Variants in ZNF717 observed in about 807,000 individuals in gnomAD.
ZNF717 encodes the protein krueppel-like factor X17.
A neutral mutation model predicts 13.8 loss-of-function variants in ZNF717; 9 were observed. That is an observed-to-expected ratio of 0.65 (90% CI 0.39 to 1.14). The LOEUF is 1.14. Among genes scored for constraint, ZNF717 ranks in the 50% most tolerant of loss-of-function variants. The pLI is 0.01. For synonymous variants in ZNF717, 327 were observed against 364.1 expected (o/e 0.90, Z 1.16); for missense variants, 1,040 against 1,080.7 (o/e 0.96, Z 0.53).
Position 75,738,090 on chromosome 3 carries a change from T to G in ZNF717, c.1533A>C (p.Glu511Asp), listed in dbSNP as rs1456971279. 1.2e-5 allele frequency: 16 copies of G among 1,350,012 alleles called. No individual in the cohort carries two copies. The highest frequency in any genetic ancestry group is 3.2e-5 in the East Asian group (1 of 31,530). 83.6% of individuals were successfully genotyped at this position (1,350,012 alleles called of 1,614,324 possible). A position where few individuals can be genotyped will look rare whatever the true frequency, so the allele number is the denominator to read the frequency against. The change falls in exon 5 of 5, where the codon GAA (glutamate) becomes GAC (aspartate). Residue 511 changes from glutamate to aspartate, a missense_variant. By Grantham distance (45) the Glu-to-Asp change is conservative (BLOSUM62 2). This residue lies in a region of ZNF717 where 873 missense variants were observed against 832.8 expected (regional missense o/e 1.05). Transcript: ENST00000652011. ...ACTTACAGCGAAAGGTTTTCCCACA[T>G]TCATTGCATTCGTAGGGTTTTTCCC... ...HTGEKPYECN[E>D]CGKTFRCKSF...
chr3:75,726,321 G>A (rs1475853734), downstream of ZNF717, among the ~76,000 whole-genome samples: 3 of 152,250 alleles, frequency 2.0e-5, no homozygotes, highest in Non-Finnish European at 2.9e-5. Context: ...TGCTTCACCT[G>A]TAGTTCAAAT....
chr3:75,707,602 G>A (rs1449775572), downstream of ZNF717, among the ~76,000 whole-genome samples: 2 of 152,256 alleles, frequency 1.3e-5, no homozygotes, highest in Non-Finnish European at 2.9e-5. Context: ...GACAGTGGGT[G>A]CAGGACAGTG....
In ZNF717 at chr3:75,737,311, G is replaced by A. The variant is rs1281135640; in HGVS notation, c.2312C>T (p.Ser771Leu). 5.2e-6 allele frequency: 8 copies of A among 1,552,526 alleles called. No individual in the cohort carries two copies. The East Asian group carries it at 1.5e-4, about 28-fold the overall frequency. ...AGTCCCCTGATGCGTACTGAGGTTTGACTTGTGACAAAAGGTTTTCCCACA... is the reference window on the plus strand; with the variant it reads ...AGTCCCCTGATGCGTACTGAGGTTTAACTTGTGACAAAAGGTTTTCCCACA... ...NECGKTFCHKSNLSTHQGTHS... is the reference protein window; with the variant it reads ...NECGKTFCHKLNLSTHQGTHS... The change falls in exon 5 of 5, where the codon TCA (serine) becomes TTA (leucine). Residue 771 changes from serine to leucine, a missense_variant. By Grantham distance (145) the Ser-to-Leu change is moderately radical. Transcript: ENST00000652011.
At chr3:75,755,948 G>A (rs868159160) in intron 2 of ZNF717, among the ~76,000 whole-genome samples, 1 of 152,262 alleles carries the variant, frequency 6.6e-6, no homozygotes, top group Admixed American at 6.5e-5. Context: ...GATTGTCAGA[G>A]TCTATCAAAA....
At chr3:75,712,679 G>C (rs1259958804) in intron 5 of ZNF717, among the ~76,000 whole-genome samples, 1 of 152,032 alleles carries the variant, frequency 6.6e-6, no homozygotes, top group Non-Finnish European at 1.5e-5. Context: ...TCTTTGTCAT[G>C]TGAAATATTT....
exon 6 of ZNF717, chr3:75,710,686 T>A (rs1937912903): frequency 6.6e-6 from 1 of 152,240 alleles, no homozygotes; most frequent in Non-Finnish European, 1.5e-5. Context: ...CACAAGTTTA[T>A]TCTTTAAAAT....
chr3:75,768,531 G>T (rs1241638297), intron 2 of ZNF717, among the ~76,000 whole-genome samples: 1 of 150,898 alleles, frequency 6.6e-6, no homozygotes, highest in Non-Finnish European at 1.5e-5. Context: ...TCCTCACTGC[G>T]GCTGAGTGTG....
intron 2 of ZNF717, among the ~76,000 whole-genome samples, chr3:75,769,466 C>A (rs1943736131): frequency 6.6e-6 from 1 of 152,068 alleles, no homozygotes; most frequent in African/African-American, 2.4e-5. Context: ...GTGTCTTGAC[C>A]CAGAAAATTG....
chr3:75,746,385 G>T (rs1941175302), intron 2 of ZNF717, among the ~76,000 whole-genome samples: 1 of 152,100 alleles, frequency 6.6e-6, no homozygotes, highest in Non-Finnish European at 1.5e-5. Flanking sequence ...ATATTCTGTT[G>T]GGTATAATTC....
At chr3:75,700,579 TA>T (rs1340928833) in intron 6 of ZNF717, among the ~76,000 whole-genome samples, 10 of 152,290 alleles carry the variant, frequency 6.6e-5, no homozygotes, top group African/African-American at 2.4e-4. Context: ...GACACTAGCA[TA>T]AAAACAGACA....
At chr3:75,764,990 GATAT>G (rs71101852) in intron 2 of ZNF717, among the ~76,000 whole-genome samples, 2,209 of 101,952 alleles carry the variant, frequency 0.022, 31 homozygotes, top group African/African-American at 0.045. Context: ...TAAACAAAAG[GATAT>G]ATATATATAT....
At chr3:75,743,550 T>C (rs1443110816) in intron 2 of ZNF717, among the ~76,000 whole-genome samples, 3 of 152,176 alleles carry the variant, frequency 2.0e-5, no homozygotes, top group African/African-American at 7.2e-5. Flanking sequence ...AAAAGTTACA[T>C]GACAATATTG....
At chr3:75,723,597 C>A (rs75350142) in intron 4 of ZNF717, among the ~76,000 whole-genome samples, 1 of 149,682 alleles carries the variant, frequency 6.7e-6, no homozygotes, top group South Asian at 2.1e-4. Flanking sequence ...CTAGGAAAAA[C>A]CAGTCCATAC....
intron 4 of ZNF717, among the ~76,000 whole-genome samples, chr3:75,720,965 C>A (rs1158668268): frequency 6.6e-6 from 1 of 152,068 alleles, no homozygotes; most frequent in Non-Finnish European, 1.5e-5. Context: ...AATTCTAGTA[C>A]TTTTCAATAA....
downstream of ZNF717, chr3:75,732,148 C>T (rs144673606): frequency 5.9e-6 from 4 of 679,962 alleles, no homozygotes; most frequent in East Asian, 1.1e-4. Context: ...GGAAAACCAT[C>T]TTAAAATATG....
At chr3:75,768,586 C>T (rs1441657524) in intron 2 of ZNF717, among the ~76,000 whole-genome samples, 1 of 143,070 alleles carries the variant, frequency 7.0e-6, no homozygotes, top group Non-Finnish European at 1.5e-5. Flanking sequence ...TCAGTCCTCA[C>T]TGCGGCTGAG....
rs1184871990 is a variant in ZNF717 at position 75,737,975 on chromosome 3, G to T, written c.1648C>A (p.Leu550Ile). 6.5e-7 allele frequency: 1 copy of T among 1,544,302 alleles called. No homozygotes were observed. The highest frequency in any genetic ancestry group is 2.0e-5 in the Admixed American group (1 of 50,576). The change falls in exon 5 of 5, where the codon CTT (leucine) becomes ATT (isoleucine). Residue 550 changes from leucine (L) to isoleucine (I), a missense_variant. Leu to Ile is a conservative substitution (Grantham distance 5, BLOSUM62 2). Transcript: ENST00000652011. ...GTGTGAGTTCTGTGATGTACTGTAA[G>T]GTATGACTTGTGGCTATATGTTTTT... Reference protein sequence around the residue: ...CGKTYSHKSYLTVHHRTHTGE... With the variant: ...CGKTYSHKSYITVHHRTHTGE...
At chr3:75,718,630 G>A (rs1938110020) in intron 4 of ZNF717, among the ~76,000 whole-genome samples, 2 of 152,308 alleles carry the variant, frequency 1.3e-5, no homozygotes, top group South Asian at 4.1e-4. Flanking sequence ...AGATGGCAGG[G>A]AGGATAGTTG....
At chr3:75,743,678 C>A (rs1299230070) in intron 2 of ZNF717, among the ~76,000 whole-genome samples, 1 of 152,178 alleles carries the variant, frequency 6.6e-6, no homozygotes, top group Non-Finnish European at 1.5e-5. Context: ...TAAGAATACA[C>A]AATAGGGAAG....
Sources: gnomAD v4.1 joint callset for allele counts (sites outside exome capture counted in the v4.1 genomes callset) on GRCh38, gnomAD v4.1.1 for gene constraint, gnomAD v4.1.1 regional missense constraint, MANE v1.5 for transcripts, NCBI Gene and HGNC (gene_info 2026-07-23, HGNC 2026-07-21) for gene names.